The following DNAJC10 variants were observed in gnomAD, a reference collection of about 807,000 sequenced individuals.
DNAJC10 encodes the protein DnaJ heat shock protein family (Hsp40) member C10, also known as endoplasmic reticulum disulfide reductase DNAJC10.
DNAJC10 carries 101 observed loss-of-function variants against 115.0 expected under a neutral mutation model. That is an observed-to-expected ratio of 0.88 (90% confidence interval 0.75 to 1.04). The LOEUF is 1.04. Among genes scored for constraint, DNAJC10 ranks in the 50% least tolerant of loss-of-function variants. The pLI is 0.00. For missense variants in DNAJC10, 981 were observed against 928.8 expected (o/e 1.06, Z -0.73); for synonymous variants, 307 against 301.5 (o/e 1.02, Z -0.19).
In DNAJC10 at chr2:182,786,136, A is replaced by C. The variant is rs1318987358; in HGVS notation, c.*9004A>C. 1 of 152,202 alleles carries C rather than the reference A, an allele frequency of 6.6e-6. No homozygotes were observed. The highest frequency in any genetic ancestry group is 6.5e-5 in the Admixed American group (1 of 15,274). The allele number at this position is 152,202 out of a possible 1,614,324, so 9.4% of individuals were successfully genotyped here. On this transcript the variant is annotated 3_prime_UTR_variant, in exon 24 of 24. Transcript: ENST00000264065. ...TTTTAATAACAGTTTTAATTTCAGA[A>C]ACGCAAAATATTGTTTTTACAACTA... is the stretch of plus-strand genomic sequence containing the variant.
intron 14 of DNAJC10, among the ~76,000 whole-genome samples, chr2:182,750,459 G>T (rs1693986820): frequency 6.6e-6 from 1 of 152,288 alleles, no homozygotes; most frequent in African/African-American, 2.4e-5. Flanking sequence ...TTATTGCCAA[G>T]ATAAGGTTGG....
chr2:182,737,507 C>T (rs766280292), intron 11 of DNAJC10, among the ~76,000 whole-genome samples: 6 of 152,142 alleles, frequency 3.9e-5, no homozygotes, highest in South Asian at 2.1e-4. Context: ...TATGCAATTA[C>T]GACTTTGTGC....
intron 3 of DNAJC10, among the ~76,000 whole-genome samples, chr2:182,718,567 G>A (rs1395285127): frequency 1.3e-5 from 2 of 152,156 alleles, no homozygotes; most frequent in South Asian, 2.1e-4. Context: ...GATAATATCC[G>A]TGAAGTAGTT....
chr2:182,747,674 A>G (rs921732826), intron 14 of DNAJC10, among the ~76,000 whole-genome samples: 1 of 151,700 alleles, frequency 6.6e-6, no homozygotes, highest in Non-Finnish European at 1.5e-5. Context: ...GTCGTCTGCA[A>G]ACAGGGACAA....
In DNAJC10 at chr2:182,775,395, T is replaced by G; in HGVS notation, c.2345T>G (p.Leu782Arg). The change falls in exon 23 of 24, where the codon CTC becomes CGC. Residue 782 changes from leucine to arginine, a missense_variant. By Grantham distance (102) the Leu-to-Arg change is moderately radical (BLOSUM62 -2). Transcript: ENST00000264065. Reference protein sequence around the residue: ...AALISEKLETLRNQGKRNKDE... With the variant: ...AALISEKLETRRNQGKRNKDE... ...TTAATAAGTGAAAAATTGGAAACTC[T>G]CCGAAATCAAGGCAAGAGGAATAAG... 6.2e-7 allele frequency: 1 copy of G among 1,612,824 alleles called. No homozygotes were observed. The highest frequency in any genetic ancestry group is 8.5e-7 in the Non-Finnish European group (1 of 1,179,214).
At position 182,780,063 on chromosome 2, in the gene DNAJC10, TAATG is replaced by T. The variant is rs1164385131; in HGVS notation, c.*2934_*2937del. 2.6e-5 allele frequency: 4 copies of T among 152,314 alleles called. No individual in the cohort carries two copies. The highest frequency in any genetic ancestry group is 1.9e-4 in the East Asian group (1 of 5,186). The allele number at this position is 152,314 out of a possible 1,614,324, so 9.4% of individuals were successfully genotyped here. A position where few individuals can be genotyped will look rare whatever the true frequency, so the allele number is the denominator to read the frequency against. On this transcript the variant is annotated 3_prime_UTR_variant, in exon 24 of 24. Transcript: ENST00000264065. Reference sequence around the variant, plus strand: ...TTTTATGATACCTATAGAAAATTGATAATGAAGATGAAAAGTAAATAACCTTTCT... The same window carrying T: ...TTTTATGATACCTATAGAAAATTGATAAGATGAAAAGTAAATAACCTTTCT...
At chr2:182,750,625 A>T (rs1341714585) in intron 14 of DNAJC10, among the ~76,000 whole-genome samples, 1 of 152,210 alleles carries the variant, frequency 6.6e-6, no homozygotes, top group Non-Finnish European at 1.5e-5. Flanking sequence ...ACTAGATGGT[A>T]TAGTCCACTA....
rs1156246121 is a variant in DNAJC10 at position 182,788,766 on chromosome 2, C to G, written c.*11634C>G. On this transcript the variant is annotated 3_prime_UTR_variant, in exon 24 of 24. Coordinates refer to ENST00000264065, the MANE Select transcript of DNAJC10 (RefSeq NM_018981.4). ...TGGGAAAACGGAAAGGTAGACTATT[C>G]AGAAGTTTTCTAAAATGGACTTCAA... is the stretch of plus-strand genomic sequence containing the variant. The G allele has an allele frequency of 2.2e-6, 1 of 451,760 alleles. No individual in the cohort carries two copies. 28.0% of individuals were successfully genotyped at this position (451,760 alleles called of 1,614,324 possible).
chr2:182,750,828 A>G (rs1262179836), intron 14 of DNAJC10, among the ~76,000 whole-genome samples: 2 of 152,184 alleles, frequency 1.3e-5, no homozygotes, highest in African/African-American at 4.8e-5. Flanking sequence ...GAGCCATAGG[A>G]ATTTTTCAGC....
Position 182,752,586 on chromosome 2 carries a change from C to G in DNAJC10, c.1551+398C>G, listed in dbSNP as rs113148523. 5.9e-3 allele frequency: 5,542 copies of G among 937,136 alleles called. 20 individuals are homozygous for G. Among genetic ancestry groups the G allele is most frequent in the South Asian group, 0.023 (468 of 20,016 alleles). The allele number at this position is 937,136 out of a possible 1,614,324, so 58.1% of individuals were successfully genotyped here. On this transcript the variant is annotated intron_variant, in intron 16 of 23. Coordinates refer to ENST00000264065, the MANE Select transcript of DNAJC10 (RefSeq NM_018981.4). Reference sequence around the variant, plus strand: ...AAAGAAGTTAAAACAATGAACAAGCCTTTTGAAATCTTTGTTTAAATGAAA... The same window carrying G: ...AAAGAAGTTAAAACAATGAACAAGCGTTTTGAAATCTTTGTTTAAATGAAA...
rs1341832942 is a variant in DNAJC10 at position 182,782,376 on chromosome 2, T to A, written c.*5244T>A. On this transcript the variant is annotated 3_prime_UTR_variant, in exon 24 of 24. Transcript: ENST00000264065. ...TTGTAGTATAGTTCGTTCTTTTTGC[T>A]TAGGATTGCCTTGGCTATATGGGCT... 6.6e-6 allele frequency: 1 copy of A among 151,654 alleles called. No individual in the cohort carries two copies. Among genetic ancestry groups the A allele is most frequent in the Non-Finnish European group, 1.5e-5 (1 of 67,754 alleles). The allele number at this position is 151,654 out of a possible 1,614,324, so 9.4% of individuals were successfully genotyped here.
Position 182,793,488 on chromosome 2 carries a change from A to G in DNAJC10, c.*16356A>G, listed in dbSNP as rs1695088808. ...CAGCACTGAGAACCAGAAGACATTC[A>G]GAGAGCTCTGCTTTGCGAGGTATGC... On this transcript the variant is annotated 3_prime_UTR_variant, in exon 24 of 24. Coordinates refer to ENST00000264065, the MANE Select transcript of DNAJC10 (RefSeq NM_018981.4). 1 of 152,206 alleles carries G rather than the reference A, an allele frequency of 6.6e-6. No individual in the cohort carries two copies. Among genetic ancestry groups the G allele is most frequent in the Non-Finnish European group, 1.5e-5 (1 of 68,046 alleles). 9.4% of individuals were successfully genotyped at this position (152,206 alleles called of 1,614,324 possible). A position where few individuals can be genotyped will look rare whatever the true frequency, so the allele number is the denominator to read the frequency against.
intron 11 of DNAJC10, among the ~76,000 whole-genome samples, chr2:182,739,252 C>CAT (rs200784988): frequency 1.5e-3 from 212 of 143,786 alleles, no homozygotes; most frequent in Non-Finnish European, 1.9e-3. Flanking sequence ...ATATATATCT[C>CAT]ATATATATAT....
At chr2:182,775,480 T>G (rs1559029905) in intron 23 of DNAJC10, 60 bp downstream of exon 23, 2 of 1,083,460 alleles carry the variant, frequency 1.8e-6, no homozygotes, top group Non-Finnish European at 2.8e-6. Flanking sequence ...CAAAATCTAT[T>G]TTTCCTATAC....
chr2:182,755,150 A>G (rs749498344), intron 17 of DNAJC10, 46 bp downstream of exon 17: 128 of 1,141,310 alleles, frequency 1.1e-4, no homozygotes, highest in Non-Finnish European at 1.6e-4. Context: ...GTCTGTTTCT[A>G]TGTAAACCCT....
chr2:182,775,395 T>A lies in DNAJC10; in HGVS notation c.2345T>A (p.Leu782His). ...AALISEKLET[L>H]RNQGKRNKDE... ...TTAATAAGTGAAAAATTGGAAACTC[T>A]CCGAAATCAAGGCAAGAGGAATAAG... Residue 782 changes from leucine to histidine, a missense_variant, in exon 23 of 24, where the codon CTC becomes CAC. Leu to His is a moderately conservative substitution (Grantham distance 99, BLOSUM62 -3). Coordinates refer to ENST00000264065, the MANE Select transcript of DNAJC10 (RefSeq NM_018981.4). The A allele has an allele frequency of 6.2e-7, 1 of 1,612,824 alleles. No homozygotes were observed. Among genetic ancestry groups the A allele is most frequent in the Non-Finnish European group, 8.5e-7 (1 of 1,179,214 alleles).
intron 14 of DNAJC10, among the ~76,000 whole-genome samples, chr2:182,747,685 T>G (rs1254498048): frequency 2.0e-5 from 3 of 151,366 alleles, no homozygotes; most frequent in Admixed American, 2.0e-4. Flanking sequence ...ACAGGGACAA[T>G]TTGACTTCCT....
chr2:182,769,678 T>TA (rs1431886454), intron 22 of DNAJC10, among the ~76,000 whole-genome samples: 4 of 152,294 alleles, frequency 2.6e-5, no homozygotes, highest in Non-Finnish European at 4.4e-5. Flanking sequence ...GGTTTTTTTT[T>TA]ATTGTAAATT....
intron 4 of DNAJC10, among the ~76,000 whole-genome samples, chr2:182,720,742 G>A (rs1196456182): frequency 6.6e-6 from 1 of 151,888 alleles, no homozygotes; most frequent in Non-Finnish European, 1.5e-5. Context: ...TTGCATTAGG[G>A]GTAGCTAAAT....
Sources: gnomAD v4.1 joint callset for allele counts (sites outside exome capture counted in the v4.1 genomes callset) on GRCh38, gnomAD v4.1.1 for gene constraint, MANE v1.5 for transcripts, NCBI Gene and HGNC (gene_info 2026-07-23, HGNC 2026-07-21) for gene names.